SCAPER: variants seen among roughly 807,000 people sequenced by gnomAD.
The protein encoded by SCAPER is S-phase cyclin A associated protein in the ER.
A neutral mutation model predicts 182.2 loss-of-function variants in SCAPER; 98 were observed. That is an observed-to-expected ratio of 0.54 (90% CI 0.46 to 0.64). The LOEUF is 0.64. SCAPER is among the 30% of genes least tolerant of loss of function. The pLI, the probability that SCAPER is intolerant of heterozygous loss-of-function variation, is 0.00. For missense variants in SCAPER, 1,432 were observed against 1,690.0 expected (o/e 0.85, Z 2.68); for synonymous variants, 605 against 564.6 (o/e 1.07, Z -1.01).
At chr15:76,370,498 T>C (rs1222870975) in intron 29 of SCAPER, among the ~76,000 whole-genome samples, 1 of 151,832 alleles carries the variant, frequency 6.6e-6, no homozygotes, top group Non-Finnish European at 1.5e-5. Context: ...AGAGATGGGG[T>C]TTTGCCATGT....
At chr15:76,635,020 C>A (rs1275706302) in intron 21 of SCAPER, among the ~76,000 whole-genome samples, 1 of 152,096 alleles carries the variant, frequency 6.6e-6, no homozygotes, top group African/African-American at 2.4e-5. Flanking sequence ...TGTTTCTGGT[C>A]ACAAAATCAT....
chr15:76,373,111 G>A (rs1369681032), intron 29 of SCAPER, among the ~76,000 whole-genome samples: 10 of 149,224 alleles, frequency 6.7e-5, no homozygotes, highest in Non-Finnish European at 1.3e-4. Context: ...ACAGTGGCAC[G>A]ATCTTGGCTC....
At chr15:76,815,031 T>C (rs1486540484) in intron 5 of SCAPER, among the ~76,000 whole-genome samples, 1 of 116,462 alleles carries the variant, frequency 8.6e-6, no homozygotes, top group Non-Finnish European at 1.8e-5. Flanking sequence ...TCAGTAATCA[T>C]CATGGAAATG....
chr15:76,835,526 G>C (rs1173736705), intron 5 of SCAPER, among the ~76,000 whole-genome samples: 1 of 151,968 alleles, frequency 6.6e-6, no homozygotes, highest in Admixed American at 6.6e-5. Flanking sequence ...AACAAACTAG[G>C]TATAAAGATA....
chr15:76,759,600 A>C (rs2062653148), intron 14 of SCAPER, among the ~76,000 whole-genome samples: 1 of 152,154 alleles, frequency 6.6e-6, no homozygotes, highest in Non-Finnish European at 1.5e-5. Flanking sequence ...TAAACATTAA[A>C]ACAACAGCAT....
intron 25 of SCAPER, among the ~76,000 whole-genome samples, chr15:76,451,744 G>C (rs1235548365): frequency 6.6e-6 from 1 of 152,172 alleles, no homozygotes; most frequent in Admixed American, 6.5e-5. Context: ...GAACTTAGCT[G>C]TGTGTATGAC....
intron 23 of SCAPER, among the ~76,000 whole-genome samples, chr15:76,516,780 G>C (rs1382452168): frequency 6.6e-6 from 1 of 152,182 alleles, no homozygotes; most frequent in Non-Finnish European, 1.5e-5. Context: ...GAGGGACAGA[G>C]GGGGAAAGCA....
chr15:76,688,888 G>A (rs981777648), intron 20 of SCAPER, among the ~76,000 whole-genome samples: 4 of 123,318 alleles, frequency 3.2e-5, no homozygotes, highest in Admixed American at 1.1e-4. Context: ...TTGCTCTGTC[G>A]TCCAGGCTGG....
chr15:76,489,634 AT>A (rs2143274087), intron 24 of SCAPER, among the ~76,000 whole-genome samples: 1 of 152,158 alleles, frequency 6.6e-6, no homozygotes, highest in South Asian at 2.1e-4. Flanking sequence ...TTTTATATTT[AT>A]TTTATTGTGG....
chr15:76,577,470 A>G (rs1445833752), intron 22 of SCAPER, among the ~76,000 whole-genome samples: 1 of 152,142 alleles, frequency 6.6e-6, no homozygotes, highest in Non-Finnish European at 1.5e-5. Context: ...AGAAGGAGAA[A>G]AAAAGAGGAC....
At chr15:76,617,803 CAG>C (rs935250393) in intron 22 of SCAPER, among the ~76,000 whole-genome samples, 2 of 152,188 alleles carry the variant, frequency 1.3e-5, no homozygotes, top group South Asian at 2.1e-4. Context: ...GGAAGGGAAA[CAG>C]AGTCCACTTC....
intron 25 of SCAPER, among the ~76,000 whole-genome samples, chr15:76,448,341 A>AT (rs1247306877): frequency 6.6e-6 from 1 of 152,178 alleles, no homozygotes; most frequent in Non-Finnish European, 1.5e-5. Flanking sequence ...AATTGACTGC[A>AT]TATTTAGGGA....
intron 16 of SCAPER, among the ~76,000 whole-genome samples, chr15:76,730,242 G>C (rs968501155): frequency 2.0e-5 from 3 of 151,834 alleles, no homozygotes; most frequent in African/African-American, 7.3e-5. Flanking sequence ...CTGCCCCAGG[G>C]AAAGAAAGCC....
At chr15:76,397,913 G>A (rs1227066758) in intron 27 of SCAPER, among the ~76,000 whole-genome samples, 1 of 152,108 alleles carries the variant, frequency 6.6e-6, no homozygotes, top group African/African-American at 2.4e-5. Flanking sequence ...AGGTTTTAAT[G>A]ACGCTATTGC....
chr15:76,639,695 C>A (rs2053945178), intron 21 of SCAPER, among the ~76,000 whole-genome samples: 1 of 151,588 alleles, frequency 6.6e-6, no homozygotes, highest in Non-Finnish European at 1.5e-5. Flanking sequence ...AATGTCCCCC[C>A]ACCACCTCTC....
intron 20 of SCAPER, among the ~76,000 whole-genome samples, chr15:76,671,611 T>C (rs1317324419): frequency 6.6e-6 from 1 of 151,514 alleles, no homozygotes; most frequent in Non-Finnish European, 1.5e-5. Flanking sequence ...CTACTAAAAA[T>C]ACAAAAAAAT....
chr15:76,663,922 T>C (rs2056385476), intron 21 of SCAPER, among the ~76,000 whole-genome samples: 1 of 152,040 alleles, frequency 6.6e-6, no homozygotes, highest in East Asian at 1.9e-4. Context: ...GATGGCAAAA[T>C]ATTAGAAGAT....
chr15:76,404,501 T>C (rs2044683589), intron 27 of SCAPER, 23 bp downstream of exon 27: 2 of 1,580,028 alleles, frequency 1.3e-6, no homozygotes, highest in African/African-American at 1.3e-5. Flanking sequence ...TGAGTCTAGA[T>C]TGAGATCAAG....
chr15:76,587,154 T>A lies in SCAPER; in HGVS notation c.2712-12870A>T, dbSNP rs561509221. 6.6e-5 allele frequency among the ~76,000 whole-genome samples: 10 copies of A among 152,290 alleles called. 1 individual carries two copies. The South Asian group carries it at 2.1e-3, about 32-fold the overall frequency. Reference sequence around the variant, plus strand: ...TATTTCTGTGGTGTCAGTTGTAATATCTCCCGTTTTATAATTGAGCTTATT... The same window carrying A: ...TATTTCTGTGGTGTCAGTTGTAATAACTCCCGTTTTATAATTGAGCTTATT... On this transcript the variant is annotated intron_variant, in intron 22 of 31. Coordinates refer to ENST00000563290, the MANE Select transcript of SCAPER (RefSeq NM_020843.4).
Sources: allele counts gnomAD v4.1 joint callset (sites outside exome capture counted in the v4.1 genomes callset), GRCh38; gene constraint gnomAD v4.1.1; transcripts MANE v1.5; gene names NCBI Gene and HGNC (gene_info 2026-07-23, HGNC 2026-07-21).